Variants in HAO1 observed in about 807,000 individuals in gnomAD.
HAO1 encodes 2-Hydroxyacid oxidase 1.
A neutral mutation model predicts 39.7 loss-of-function variants in HAO1; 34 were observed. The ratio of observed to expected loss-of-function variants is 0.86; its 90% CI spans 0.65 to 1.14. The LOEUF is 1.14. Among genes scored for constraint, HAO1 ranks in the 50% most tolerant of loss-of-function variants. The pLI, the probability that HAO1 is intolerant of heterozygous loss-of-function variation, is 0.00. For synonymous variants in HAO1, 172 were observed against 173.2 expected, an observed-to-expected ratio of 0.99 and a Z score of 0.05; for missense variants, 479 against 464.5, an observed-to-expected ratio of 1.03 and a Z score of -0.29.
chr20:7,925,699 A>G (rs2050355843), intron 2 of HAO1, among the ~76,000 whole-genome samples: 1 of 152,136 alleles, frequency 6.6e-6, no homozygotes, highest in South Asian at 2.1e-4. Context: ...CAGTGTTGGG[A>G]TACACATGTG....
chr20:7,897,186 C>G (rs1241445969), intron 4 of HAO1, among the ~76,000 whole-genome samples: 1 of 152,068 alleles, frequency 6.6e-6, no homozygotes, highest in African/African-American at 2.4e-5. Flanking sequence ...AGGACTGACA[C>G]CAGTTTGATT....
chr20:7,906,214 C>G lies in HAO1; in HGVS notation c.661G>C (p.Asp221His), dbSNP rs2050247111. The G allele has an allele frequency of 3.7e-6, 6 of 1,612,832 alleles. No individual in the cohort carries two copies. The highest frequency in any genetic ancestry group is 5.1e-6 in the Non-Finnish European group (6 of 1,178,858). The change falls in exon 4 of 8, where the codon GAT (aspartate) becomes CAT (histidine). Residue 221 changes from aspartate (D) to histidine (H), a missense_variant. Transcript: ENST00000378789. ...GTCAGTCTTCTCAGCCATTTGATAT[C>G]TTCCCAGCTGATAGATGGGTCTATT... ...KAIDPSISWE[D>H]IKWLRRLTSL...
Position 7,885,688 on chromosome 20 carries a change from A to T in HAO1, c.972+18T>A. Reference sequence around the variant, plus strand: ...GTCAAGTTGTCTATTTTATATATTCATTTCTTTGTCCAGTTACCTGGAAAG... The same window carrying T: ...GTCAAGTTGTCTATTTTATATATTCTTTTCTTTGTCCAGTTACCTGGAAAG... On this transcript the variant is annotated intron_variant, in intron 6 of 7. Transcript: ENST00000378789. The T allele has an allele frequency of 6.2e-7, 1 of 1,603,126 alleles. No homozygotes were observed.
At chr20:7,900,350 A>G (rs1438337367) in intron 4 of HAO1, among the ~76,000 whole-genome samples, 1 of 152,116 alleles carries the variant, frequency 6.6e-6, no homozygotes, top group African/African-American at 2.4e-5. Flanking sequence ...AGCATTTTTT[A>G]GCAGCAAGGT....
At chr20:7,930,153 G>A (rs867346340) in intron 2 of HAO1, among the ~76,000 whole-genome samples, 5 of 151,920 alleles carry the variant, frequency 3.3e-5, no homozygotes, top group East Asian at 3.9e-4. Context: ...TAACTAACCC[G>A]TTTTCTGAAC....
intron 1 of HAO1, among the ~76,000 whole-genome samples, chr20:7,940,010 A>AT (rs1170882626): frequency 6.6e-6 from 1 of 152,190 alleles, no homozygotes; most frequent in Non-Finnish European, 1.5e-5. Flanking sequence ...ATTTATCGCT[A>AT]TTTTTACATG....
At chr20:7,926,987 A>G (rs1053575720) in intron 2 of HAO1, among the ~76,000 whole-genome samples, 1 of 152,124 alleles carries the variant, frequency 6.6e-6, no homozygotes, top group Non-Finnish European at 1.5e-5. Context: ...GCACTTGCCC[A>G]CATAACAAGT....
At chr20:7,905,582 A>G (rs1367285423) in intron 4 of HAO1, among the ~76,000 whole-genome samples, 1 of 152,208 alleles carries the variant, frequency 6.6e-6, no homozygotes, top group Non-Finnish European at 1.5e-5. Context: ...GGATCTGAAT[A>G]CATGGGGATG....
At chr20:7,905,334 T>C (rs547107563) in intron 4 of HAO1, among the ~76,000 whole-genome samples, 17 of 152,342 alleles carry the variant, frequency 1.1e-4, no homozygotes, top group African/African-American at 4.1e-4. Flanking sequence ...AGGGACCACA[T>C]GACTCAGACA....
chr20:7,913,711 AAAG>A (rs1441409459), intron 3 of HAO1, among the ~76,000 whole-genome samples: 1 of 152,230 alleles, frequency 6.6e-6, no homozygotes, highest in Non-Finnish European at 1.5e-5. Context: ...AATATTGCTG[AAAG>A]AAGAAGTAGA....
chr20:7,885,171 C>G (rs556291224), intron 7 of HAO1, among the ~76,000 whole-genome samples: 1 of 152,070 alleles, frequency 6.6e-6, no homozygotes, highest in Non-Finnish European at 1.5e-5. Context: ...TAGTTTTGGA[C>G]AGGTAAGAGT....
chr20:7,915,709 A>G (rs1568516337), intron 2 of HAO1, among the ~76,000 whole-genome samples: 1 of 152,186 alleles, frequency 6.6e-6, no homozygotes, highest in Non-Finnish European at 1.5e-5. Context: ...AACTCTGGGT[A>G]TTACAATTTT....
At chr20:7,900,998 A>G (rs1373369537) in intron 4 of HAO1, among the ~76,000 whole-genome samples, 2 of 152,200 alleles carry the variant, frequency 1.3e-5, no homozygotes, top group African/African-American at 4.8e-5. Context: ...GTCTGGATAG[A>G]TGATCAAACC....
At chr20:7,906,465 A>C (rs2050248790) in intron 3 of HAO1, 136 bp from the exon 4 acceptor site, 1 of 618,850 alleles carries the variant, frequency 1.6e-6, no homozygotes, top group Admixed American at 2.9e-5. Flanking sequence ...TCAATTGCAC[A>C]CATATTTTCC....
At chr20:7,911,988 C>G (rs1376786485) in intron 3 of HAO1, among the ~76,000 whole-genome samples, 1 of 152,190 alleles carries the variant, frequency 6.6e-6, no homozygotes, top group African/African-American at 2.4e-5. Context: ...AAGGCACTGG[C>G]CTACTCCGAA....
At chr20:7,912,303 A>G (rs1040551017) in intron 3 of HAO1, among the ~76,000 whole-genome samples, 1 of 152,196 alleles carries the variant, frequency 6.6e-6, no homozygotes. Context: ...AGCAAGAGGT[A>G]CCTGCCAGAA....
At chr20:7,913,011 A>G (rs1194218613) in intron 3 of HAO1, among the ~76,000 whole-genome samples, 1 of 152,108 alleles carries the variant, frequency 6.6e-6, no homozygotes, top group Non-Finnish European at 1.5e-5. Context: ...GGTGAGATTC[A>G]CTCCACAGTC....
At chr20:7,886,283 C>T (rs1400620890) in intron 5 of HAO1, among the ~76,000 whole-genome samples, 1 of 151,832 alleles carries the variant, frequency 6.6e-6, no homozygotes, top group East Asian at 1.9e-4. Flanking sequence ...AAGTGATTCT[C>T]CTGCCTCAGT....
intron 2 of HAO1, among the ~76,000 whole-genome samples, chr20:7,918,115 G>A (rs2122781575): frequency 6.6e-6 from 1 of 152,334 alleles, no homozygotes; most frequent in Non-Finnish European, 1.5e-5. Context: ...AGGAATATCA[G>A]AGTCTGTGCT....
Sources: gnomAD v4.1 joint callset for allele counts (sites outside exome capture counted in the v4.1 genomes callset) on GRCh38, gnomAD v4.1.1 for gene constraint, MANE v1.5 for transcripts, NCBI Gene and HGNC (gene_info 2026-07-23, HGNC 2026-07-21) for gene names.